Variants in MTREX observed in about 807,000 individuals in gnomAD.
MTREX encodes exosome RNA helicase MTR4.
MTREX carries 76 observed loss-of-function variants against 135.4 expected under a neutral mutation model. The ratio of observed to expected loss-of-function variants is 0.56; its 90% CI spans 0.47 to 0.68. The LOEUF is 0.68. Among genes scored for constraint, MTREX ranks in the 30% least tolerant of loss-of-function variants. MTREX has a pLI of 0.00. For missense variants in MTREX, 920 were observed against 1,262.1 expected, an observed-to-expected ratio of 0.73 and a Z score of 4.11; for synonymous variants, 404 against 401.6, an observed-to-expected ratio of 1.01 and a Z score of -0.07.
intron 23 of MTREX, among the ~76,000 whole-genome samples, chr5:55,413,603 T>A (rs1048118997): frequency 6.6e-6 from 1 of 152,196 alleles, no homozygotes; most frequent in African/African-American, 2.4e-5. Flanking sequence ...AACTCCATTA[T>A]CTAATTCAGA....
At chr5:55,334,805 C>G (rs1192167250) in intron 5 of MTREX, among the ~76,000 whole-genome samples, 1 of 152,050 alleles carries the variant, frequency 6.6e-6, no homozygotes, top group East Asian at 1.9e-4. Flanking sequence ...TGTAAACATT[C>G]ATGTGCAAGT....
intron 12 of MTREX, among the ~76,000 whole-genome samples, chr5:55,349,909 G>A (rs1749800159): frequency 6.6e-6 from 1 of 152,166 alleles, no homozygotes; most frequent in African/African-American, 2.4e-5. Context: ...CAGTATTACA[G>A]AATTTTTAAT....
At chr5:55,322,215 C>A in intron 1 of MTREX, 112 bp from the exon 2 acceptor site, 3 of 835,476 alleles carry the variant, frequency 3.6e-6, no homozygotes, top group Non-Finnish European at 3.5e-6. Flanking sequence ...TTGTAACATT[C>A]ATCTATTTAA....
At position 55,425,259 on chromosome 5, in the gene MTREX, G is replaced by A. The variant is rs1203073572; in HGVS notation, c.*487G>A. 6.2e-7 allele frequency: 1 copy of A among 1,613,174 alleles called. No homozygotes were observed. The highest frequency in any genetic ancestry group is 8.5e-7 in the Non-Finnish European group (1 of 1,179,350). On this transcript the variant is annotated 3_prime_UTR_variant, in exon 27 of 27. Transcript: ENST00000230640. ...TTCCCAGTTGTTGGTGTTTCATGCAGAGTTGTATGAGAGTCCTCCTCTTTT... is the reference window on the plus strand; with the variant it reads ...TTCCCAGTTGTTGGTGTTTCATGCAAAGTTGTATGAGAGTCCTCCTCTTTT...
intron 25 of MTREX, among the ~76,000 whole-genome samples, chr5:55,416,472 A>G (rs1750967830): frequency 6.6e-6 from 1 of 152,098 alleles, no homozygotes; most frequent in South Asian, 2.1e-4. Context: ...TGAGCTATAT[A>G]ATTCCACTAA....
rs181282513 is a variant in MTREX, at chr5:55,317,550, A to G, written c.135-4777A>G. ...GGGGAAAAGACTCGCTATTCAATAA[A>G]TGCTGCTGGGATAACTGGCTAGCCA... is the stretch of plus-strand genomic sequence containing the variant. On this transcript the variant is annotated intron_variant, in intron 1 of 26. Coordinates refer to ENST00000230640, the MANE Select transcript of MTREX (RefSeq NM_015360.5). 1.5e-3 allele frequency among the ~76,000 whole-genome samples: 233 copies of G among 152,358 alleles called. 1 individual carries two copies. Among genetic ancestry groups the G allele is most frequent in the Non-Finnish European group, 2.4e-3 (161 of 68,030 alleles).
chr5:55,368,938 T>G (rs1188443759), intron 16 of MTREX, among the ~76,000 whole-genome samples: 1 of 152,162 alleles, frequency 6.6e-6, no homozygotes, highest in Non-Finnish European at 1.5e-5. Context: ...CAATGTATAA[T>G]TTCAAATCAT....
chr5:55,388,111 A>G lies in MTREX; in HGVS notation c.2181+9A>G. 6 of 1,590,592 alleles carry G rather than the reference A, an allele frequency of 3.8e-6. No homozygotes were observed. Among genetic ancestry groups the G allele is most frequent in the Non-Finnish European group, 5.2e-6 (6 of 1,164,450 alleles). On this transcript the variant is annotated intron_variant, in intron 19 of 26. Transcript: ENST00000230640. ...AGAAAGGAGAGATGCAGGTTTGTAC[A>G]TAACTTTCTGTCTTCTGATTTCAGA...
intron 4 of MTREX, 148 bp downstream of exon 4, chr5:55,327,926 C>G (rs1749410069): frequency 1.8e-6 from 1 of 553,592 alleles, no homozygotes; most frequent in South Asian, 3.1e-5. Context: ...ATAATGAGAA[C>G]TGAATCAGTT....
At chr5:55,398,607 CATT>C (rs1750679637) in intron 20 of MTREX, among the ~76,000 whole-genome samples, 2 of 152,174 alleles carry the variant, frequency 1.3e-5, no homozygotes, top group African/African-American at 4.8e-5. Context: ...CAGAAATACA[CATT>C]AATCATTATT....
At chr5:55,366,941 T>C in intron 16 of MTREX, 66 bp downstream of exon 16, 4 of 1,307,394 alleles carry the variant, frequency 3.1e-6, no homozygotes, top group Non-Finnish European at 1.0e-6. Flanking sequence ...ATGTCTGCAT[T>C]ATTGGCTGCT....
At chr5:55,392,171 C>A (rs1750580071) in intron 19 of MTREX, among the ~76,000 whole-genome samples, 1 of 152,090 alleles carries the variant, frequency 6.6e-6, no homozygotes, top group Non-Finnish European at 1.5e-5. Context: ...TTGTGTGTGG[C>A]CACCAAGGTC....
intron 22 of MTREX, among the ~76,000 whole-genome samples, chr5:55,409,813 T>C (rs1374687196): frequency 6.6e-6 from 1 of 152,332 alleles, no homozygotes; most frequent in African/African-American, 2.4e-5. Flanking sequence ...AGATGGATAT[T>C]TTTCAGATTT....
intron 1 of MTREX, among the ~76,000 whole-genome samples, chr5:55,317,014 A>G (rs1024197319): frequency 6.6e-6 from 1 of 152,050 alleles, no homozygotes; most frequent in Non-Finnish European, 1.5e-5. Context: ...AAGAGAAGCA[A>G]TCTCATTCAC....
intron 19 of MTREX, 68 bp from the exon 20 acceptor site, chr5:55,397,348 T>A: frequency 1.0e-6 from 1 of 981,548 alleles, no homozygotes; most frequent in Non-Finnish European, 1.5e-6. Context: ...GGGATCCAAG[T>A]TTAGGAAATA....
intron 1 of MTREX, among the ~76,000 whole-genome samples, chr5:55,310,935 A>G (rs1749102603): frequency 6.6e-6 from 1 of 151,724 alleles, no homozygotes; most frequent in Non-Finnish European, 1.5e-5. Flanking sequence ...ACACCACCAT[A>G]TCGGGCTAAT....
intron 17 of MTREX, among the ~76,000 whole-genome samples, chr5:55,378,764 A>G (rs1369849866): frequency 6.6e-6 from 1 of 152,236 alleles, no homozygotes; most frequent in East Asian, 1.9e-4. Flanking sequence ...AATGCTAACT[A>G]TAACTGTTCA....
intron 3 of MTREX, among the ~76,000 whole-genome samples, chr5:55,325,873 G>A (rs186807615): frequency 5.3e-5 from 8 of 152,142 alleles, no homozygotes; most frequent in Admixed American, 1.3e-4. Flanking sequence ...GAGAATATGC[G>A]GTATTTGATT....
chr5:55,374,267 TA>T (rs1750257140), intron 16 of MTREX, among the ~76,000 whole-genome samples: 1 of 141,636 alleles, frequency 7.1e-6, no homozygotes, highest in African/African-American at 2.7e-5. Context: ...AAAACATTTA[TA>T]TATATATATA....
Sources: allele counts gnomAD v4.1 joint callset (sites outside exome capture counted in the v4.1 genomes callset), GRCh38; gene constraint gnomAD v4.1.1; transcripts MANE v1.5; gene names NCBI Gene and HGNC (gene_info 2026-07-23, HGNC 2026-07-21).